AK8: variants seen among roughly 807,000 people sequenced by gnomAD.
AK8 encodes the protein ATP-AMP transphosphorylase 8.
A neutral mutation model predicts 54.6 loss-of-function variants in AK8; 44 were observed. The observed-to-expected ratio is 0.81, with a 90% CI of 0.63 to 1.04. The LOEUF (loss-of-function observed/expected upper bound fraction) is 1.04. Ranked by LOEUF, AK8 falls within the 50% of genes least tolerant of loss-of-function variation. The pLI is 0.00. For synonymous variants in AK8, 239 were observed against 245.6 expected, an observed-to-expected ratio of 0.97 and a Z score of 0.25; for missense variants, 555 against 613.6, an observed-to-expected ratio of 0.90 and a Z score of 1.01.
intron 11 of AK8, among the ~76,000 whole-genome samples, chr9:132,742,132 C>T (rs1333460674): frequency 6.7e-6 from 1 of 149,998 alleles, no homozygotes; most frequent in Non-Finnish European, 1.5e-5. Flanking sequence ...GGATCTATCA[C>T]ATTTTGTTTA....
At chr9:132,833,606 T>C (rs1588187778) in intron 5 of AK8, among the ~76,000 whole-genome samples, 1 of 151,952 alleles carries the variant, frequency 6.6e-6, no homozygotes, top group African/African-American at 2.4e-5. Context: ...TTATCACACA[T>C]CAAAAAGGCC....
chr9:132,852,541 C>T (rs1467900834), intron 5 of AK8, among the ~76,000 whole-genome samples: 4 of 150,630 alleles, frequency 2.7e-5, no homozygotes, highest in East Asian at 2.0e-4. Context: ...ACCTGGGAAG[C>T]GGAGGTTGCA....
upstream of AK8, chr9:132,878,408 C>T: frequency 3.2e-6 from 4 of 1,238,516 alleles, no homozygotes; most frequent in Non-Finnish European, 4.1e-6. The surrounding 1 kb of genome is among the most constrained non-coding windows in gnomAD (Gnocchi z 4.7). Flanking sequence ...CCGCCCCGAC[C>T]TCCCCGGCTG....
At chr9:132,863,883 G>A (rs1843487907) in intron 3 of AK8, 105 bp from the exon 4 acceptor site, 2 of 885,638 alleles carry the variant, frequency 2.3e-6, no homozygotes, top group Non-Finnish European at 3.4e-6. Flanking sequence ...GAAAAGGTTG[G>A]CCATGGGGAA....
At position 132,837,681 on chromosome 9, in the gene AK8, C is replaced by T. The variant is rs73549181; in HGVS notation, c.403-8955G>A. ...GCGTTCCTGTCCACATGGAGTGCTA[C>T]GGCTCTGTATGCAGACACATGATCC... On this transcript the variant is annotated intron_variant, in intron 5 of 12. Coordinates refer to ENST00000298545, the MANE Select transcript of AK8 (RefSeq NM_152572.3). This position sits in a 1 kb window ranked among gnomAD's most constrained non-coding sequence, Gnocchi z 4.3. Among the ~76,000 whole-genome samples the T allele has an allele frequency of 1.2e-3, 182 of 152,258 alleles. No homozygotes were observed. Among genetic ancestry groups the T allele is most frequent in the African/African-American group, 3.2e-3 (133 of 41,536 alleles).
intron 8 of AK8, among the ~76,000 whole-genome samples, chr9:132,825,054 G>A (rs186482282): frequency 1.3e-3 from 197 of 152,276 alleles, no homozygotes; most frequent in African/African-American, 4.4e-3. Flanking sequence ...CTACTCAGGC[G>A]AGGCTCTCTT....
At chr9:132,810,281 C>T (rs1840937260) in intron 10 of AK8, among the ~76,000 whole-genome samples, 1 of 151,842 alleles carries the variant, frequency 6.6e-6, no homozygotes, top group Non-Finnish European at 1.5e-5. Flanking sequence ...AAAAATTTAG[C>T]ATGAAACATT....
At chr9:132,768,114 A>G (rs1420501318) in intron 11 of AK8, among the ~76,000 whole-genome samples, 1 of 152,220 alleles carries the variant, frequency 6.6e-6, no homozygotes, top group Non-Finnish European at 1.5e-5. Flanking sequence ...ATGTTCCCAA[A>G]ATAAAGAAAT....
intron 5 of AK8, among the ~76,000 whole-genome samples, chr9:132,843,009 C>T (rs1314061769): frequency 6.6e-6 from 1 of 152,182 alleles, no homozygotes; most frequent in Admixed American, 6.5e-5. Flanking sequence ...GTGACATCCC[C>T]TCACCTTTGC....
At chr9:132,818,903 A>G (rs531946409) in intron 9 of AK8, among the ~76,000 whole-genome samples, 40 of 152,322 alleles carry the variant, frequency 2.6e-4, no homozygotes, top group Middle Eastern at 3.4e-3. Context: ...ACATAGTTAG[A>G]CTATAAGACA....
intron 5 of AK8, among the ~76,000 whole-genome samples, chr9:132,841,605 C>T (rs538678036): frequency 2.6e-5 from 4 of 152,310 alleles, no homozygotes; most frequent in Admixed American, 2.6e-4. Flanking sequence ...GGAGCCTCTG[C>T]GTGGTGGCCT....
intron 9 of AK8, among the ~76,000 whole-genome samples, chr9:132,819,308 G>A (rs1239638496): frequency 1.3e-5 from 2 of 152,218 alleles, no homozygotes; most frequent in Non-Finnish European, 2.9e-5. Flanking sequence ...GATTTAAAGT[G>A]TATAGGAGAA....
intron 2 of AK8, among the ~76,000 whole-genome samples, chr9:132,869,791 T>C (rs1257409746): frequency 1.3e-5 from 2 of 151,980 alleles, no homozygotes; most frequent in African/African-American, 4.8e-5. Flanking sequence ...CAGAGTGCCA[T>C]GGGAGGTTTG....
rs536152549 is a variant in AK8 at position 132,851,583 on chromosome 9, C to T, written c.402+3274G>A. On this transcript the variant is annotated intron_variant, in intron 5 of 12. Coordinates refer to ENST00000298545, the MANE Select transcript of AK8 (RefSeq NM_152572.3). ...GTGCACGTGTGGGCCTGACCCTAAACGGCATTTCAGAGACACTGAGACATG... is the reference window on the plus strand; with the variant it reads ...GTGCACGTGTGGGCCTGACCCTAAATGGCATTTCAGAGACACTGAGACATG... 1.8e-4 allele frequency among the ~76,000 whole-genome samples: 27 copies of T among 152,340 alleles called. No individual in the cohort carries two copies. The South Asian group carries it at 3.5e-3, about 20-fold the overall frequency.
At chr9:132,788,298 C>G (rs1426741559) in intron 11 of AK8, among the ~76,000 whole-genome samples, 2 of 152,192 alleles carry the variant, frequency 1.3e-5, no homozygotes, top group African/African-American at 4.8e-5. Context: ...ATGCTTGTAT[C>G]TCATTAGCCA....
intron 3 of AK8, among the ~76,000 whole-genome samples, chr9:132,866,041 T>G (rs545775094): frequency 9.6e-4 from 146 of 151,384 alleles, no homozygotes; most frequent in Non-Finnish European, 1.9e-3. Flanking sequence ...CTACTAAAAA[T>G]ACATAAATTA....
intron 10 of AK8, among the ~76,000 whole-genome samples, chr9:132,810,650 T>C (rs1564414024): frequency 6.6e-6 from 1 of 152,160 alleles, no homozygotes; most frequent in Non-Finnish European, 1.5e-5. Context: ...AAGATAAGAC[T>C]GTGCTGTCAG....
chr9:132,853,357 C>CAA (rs36114433), intron 5 of AK8, among the ~76,000 whole-genome samples: 3,024 of 105,302 alleles, frequency 0.029, 136 homozygotes, highest in African/African-American at 0.096. Flanking sequence ...GACTCCGCCT[C>CAA]AAAAAAAAAA....
chr9:132,829,124 T>A lies in AK8; in HGVS notation c.403-398A>T, dbSNP rs1249315404. Among the ~76,000 whole-genome samples, 3 of 152,092 alleles carry A rather than the reference T, an allele frequency of 2.0e-5. No homozygotes were observed. The East Asian group carries it at 5.8e-4, about 29-fold the overall frequency. On this transcript the variant is annotated intron_variant, in intron 5 of 12. Coordinates refer to ENST00000298545, the MANE Select transcript of AK8 (RefSeq NM_152572.3). ...AGCATGTGCCACCACACCCGGCTAATTTTTTGTATTTTTAGTAGAAACAGA... is the reference window on the plus strand; with the variant it reads ...AGCATGTGCCACCACACCCGGCTAAATTTTTGTATTTTTAGTAGAAACAGA...
Sources: allele counts gnomAD v4.1 joint callset (sites outside exome capture counted in the v4.1 genomes callset), GRCh38; gene constraint gnomAD v4.1.1; non-coding constraint Gnocchi (gnomAD v3.1); transcripts MANE v1.5; gene names NCBI Gene and HGNC (gene_info 2026-07-23, HGNC 2026-07-21).